The following SMURF2 variants were observed in gnomAD, a reference collection of about 807,000 sequenced individuals.
SMURF2 encodes E3 ubiquitin-protein ligase SMURF2.
SMURF2 carries 48 observed loss-of-function variants against 109.6 expected under a neutral mutation model. The ratio of observed to expected loss-of-function variants is 0.44; its 90% CI spans 0.35 to 0.56. The LOEUF is 0.56. SMURF2 is among the 20% of genes least tolerant of loss of function. SMURF2 has a pLI of 0.01. For synonymous variants in SMURF2, 288 were observed against 317.1 expected, an observed-to-expected ratio of 0.91 and a Z score of 0.97; for missense variants, 575 against 909.0, an observed-to-expected ratio of 0.63 and a Z score of 4.72.
Position 64,546,248 on chromosome 17 carries a change from A to T in SMURF2, c.2147+15T>A. The T allele has an allele frequency of 6.2e-7, 1 of 1,612,736 alleles. No homozygotes were observed. Among genetic ancestry groups the T allele is most frequent in the Middle Eastern group, 1.7e-4 (1 of 6,058 alleles). Reference sequence around the variant, plus strand: ...TGTACATGGAATGGGGAATACAGCTACAAAAATACCTTACCAAGTGTGGGC... The same window carrying T: ...TGTACATGGAATGGGGAATACAGCTTCAAAAATACCTTACCAAGTGTGGGC... On this transcript the variant is annotated intron_variant, in intron 18 of 18. Coordinates refer to ENST00000262435, the MANE Select transcript of SMURF2 (RefSeq NM_022739.4).
chr17:64,606,231 G>A (rs1217534979), intron 2 of SMURF2, among the ~76,000 whole-genome samples: 1 of 152,136 alleles, frequency 6.6e-6, no homozygotes, highest in Non-Finnish European at 1.5e-5. Flanking sequence ...AATCTTGAAT[G>A]AGTAAAGTTT....
intron 2 of SMURF2, among the ~76,000 whole-genome samples, chr17:64,598,704 T>C (rs782377218): frequency 3.9e-5 from 6 of 152,212 alleles, no homozygotes; most frequent in Non-Finnish European, 8.8e-5. Context: ...TGTCTCAAAA[T>C]AGTCCCAGTT....
intron 12 of SMURF2, 70 bp downstream of exon 12, chr17:64,561,430 A>G: frequency 1.0e-6 from 1 of 986,668 alleles, no homozygotes; most frequent in Non-Finnish European, 1.6e-6. Flanking sequence ...AGAAAGTTAC[A>G]CCACAGGAAG....
At chr17:64,609,497 A>G (rs1409083490) in intron 1 of SMURF2, among the ~76,000 whole-genome samples, 1 of 152,174 alleles carries the variant, frequency 6.6e-6, no homozygotes, top group Non-Finnish European at 1.5e-5. Flanking sequence ...TCTTTGACAA[A>G]CCTGACAAAA....
intron 3 of SMURF2, among the ~76,000 whole-genome samples, chr17:64,594,724 C>T (rs1182377654): frequency 3.9e-5 from 6 of 152,276 alleles, no homozygotes; most frequent in Non-Finnish European, 5.9e-5. Flanking sequence ...CGGTGGCTCA[C>T]GCCTGTAATT....
At chr17:64,568,191 T>C (rs1450714512) in intron 10 of SMURF2, among the ~76,000 whole-genome samples, 5 of 151,860 alleles carry the variant, frequency 3.3e-5, no homozygotes, top group African/African-American at 9.7e-5. Context: ...GGTTTCACCA[T>C]GTTGGCCAGG....
intron 1 of SMURF2, among the ~76,000 whole-genome samples, chr17:64,650,249 C>T (rs1311525800): frequency 3.4e-5 from 5 of 146,370 alleles, no homozygotes; most frequent in African/African-American, 1.3e-4. Flanking sequence ...GTTGCCCAGG[C>T]TGGTCTCGAA....
At chr17:64,635,792 G>A (rs536843822) in intron 1 of SMURF2, among the ~76,000 whole-genome samples, 1 of 152,264 alleles carries the variant, frequency 6.6e-6, no homozygotes, top group East Asian at 1.9e-4. Context: ...CTATGCACAA[G>A]ATTTTGTGTG....
intron 1 of SMURF2, among the ~76,000 whole-genome samples, chr17:64,613,672 CAGTGTGTGTGTGTGTGTGTGTGTGTGTG>C (rs1970076359): frequency 7.5e-5 from 4 of 53,690 alleles, no homozygotes; most frequent in African/African-American, 3.0e-4. Context: ...TTCCACGGAC[CAGTGTGTGTGTGTGTGTGTGTGTGTGTG>C]TGTGTGTGTG....
intron 5 of SMURF2, among the ~76,000 whole-genome samples, chr17:64,589,373 T>G (rs77088715): frequency 0.084 from 12,812 of 151,880 alleles, 747 homozygotes; most frequent in Middle Eastern, 0.17. Context: ...AAGTGTTGTA[T>G]GACTGAATTT....
chr17:64,550,255 T>A (rs923211312), intron 16 of SMURF2, among the ~76,000 whole-genome samples: 3 of 152,222 alleles, frequency 2.0e-5, no homozygotes, highest in African/African-American at 7.2e-5. Context: ...ATTGAAGGCA[T>A]TGAATAAAAT....
At chr17:64,617,980 CATA>C (rs1393019696) in intron 1 of SMURF2, among the ~76,000 whole-genome samples, 3 of 152,096 alleles carry the variant, frequency 2.0e-5, no homozygotes, top group Non-Finnish European at 4.4e-5. Context: ...TCTACTTTGA[CATA>C]ATAAATGCAG....
intron 10 of SMURF2, among the ~76,000 whole-genome samples, chr17:64,568,026 T>C (rs782542136): frequency 2.6e-5 from 4 of 151,662 alleles, no homozygotes; most frequent in Admixed American, 2.6e-4. Flanking sequence ...GCTAATTTTT[T>C]TGTATTTTTA....
At chr17:64,645,017 AAC>A (rs1463741837) in intron 1 of SMURF2, among the ~76,000 whole-genome samples, 2 of 151,896 alleles carry the variant, frequency 1.3e-5, no homozygotes, top group Non-Finnish European at 2.9e-5. Context: ...AAAAAAAAAA[AAC>A]AAAACAAAGT....
At chr17:64,652,139 T>C (rs1219251982) in intron 1 of SMURF2, among the ~76,000 whole-genome samples, 11 of 152,214 alleles carry the variant, frequency 7.2e-5, no homozygotes, top group African/African-American at 2.7e-4. Flanking sequence ...AAAAGACTAA[T>C]AATTTTAAAA....
rs547704372 is a variant in SMURF2 at position 64,609,987 on chromosome 17, C to T, written c.53-3347G>A. Among the ~76,000 whole-genome samples the T allele has an allele frequency of 2.6e-5, 4 of 151,436 alleles. No individual in the cohort carries two copies. The South Asian group carries it at 6.3e-4, about 24-fold the overall frequency. On this transcript the variant is annotated intron_variant, in intron 1 of 18. Transcript: ENST00000262435. Reference sequence around the variant, plus strand: ...TTCTCAAAAGAAGACATTTATGCAGCCAACAAACATATGAAAAAAAGCTCA... The same window carrying T: ...TTCTCAAAAGAAGACATTTATGCAGTCAACAAACATATGAAAAAAAGCTCA...
At chr17:64,578,347 T>G in intron 9 of SMURF2, 145 bp downstream of exon 9, 1 of 614,324 alleles carries the variant, frequency 1.6e-6, no homozygotes, top group Non-Finnish European at 2.9e-6. Flanking sequence ...GACTTTCTAC[T>G]AAACGTTAAA....
chr17:64,549,240 G>A (rs1222088787), intron 16 of SMURF2, among the ~76,000 whole-genome samples: 1 of 145,684 alleles, frequency 6.9e-6, no homozygotes, highest in East Asian at 2.0e-4. Flanking sequence ...ATCAGCCTGG[G>A]GGACAAGTGA....
At chr17:64,649,462 T>A (rs1555693277) in intron 1 of SMURF2, among the ~76,000 whole-genome samples, 1 of 152,098 alleles carries the variant, frequency 6.6e-6, no homozygotes, top group Non-Finnish European at 1.5e-5. Flanking sequence ...CATTGGGGGA[T>A]GGAAGGAACA....
Sources: allele counts gnomAD v4.1 joint callset (sites outside exome capture counted in the v4.1 genomes callset), GRCh38; gene constraint gnomAD v4.1.1; transcripts MANE v1.5; gene names NCBI Gene and HGNC (gene_info 2026-07-23, HGNC 2026-07-21).